B3GALT1: variants seen among roughly 807,000 people sequenced by gnomAD.
B3GALT1 encodes the protein beta-1,3-galactosyltransferase 1.
Under a neutral mutation model 23.2 loss-of-function variants are expected in B3GALT1, and 10 were observed. The ratio of observed to expected loss-of-function variants is 0.43; its 90% CI spans 0.27 to 0.73. The LOEUF (loss-of-function observed/expected upper bound fraction) is 0.73. B3GALT1 is among the 30% of genes least tolerant of loss of function. The probability of loss-of-function intolerance (pLI) is 0.21; values close to 1 mark genes in which losing one functional copy is unlikely to be tolerated. For synonymous variants in B3GALT1, 156 were observed against 141.5 expected (o/e 1.10, Z -0.73); for missense variants, 299 against 405.4 (o/e 0.74, Z 2.25).
intron 3 of B3GALT1, among the ~76,000 whole-genome samples, chr2:167,784,038 G>A (rs975340874): frequency 6.6e-6 from 1 of 152,160 alleles, no homozygotes; most frequent in African/African-American, 2.4e-5. Flanking sequence ...TTGAATCTGG[G>A]AATGCCAGAA....
chr2:167,793,890 C>T (rs1030284397), intron 3 of B3GALT1, among the ~76,000 whole-genome samples: 3 of 152,204 alleles, frequency 2.0e-5, no homozygotes, highest in Non-Finnish European at 4.4e-5. Context: ...AAAGACTCTC[C>T]CTTCATGCCC....
intron 4 of B3GALT1, among the ~76,000 whole-genome samples, chr2:167,844,322 C>T (rs555779331): frequency 5.3e-5 from 8 of 152,272 alleles, no homozygotes; most frequent in South Asian, 4.1e-4. Flanking sequence ...AGCTCCAGAT[C>T]GACTGCAAGA....
intron 1 of B3GALT1, among the ~76,000 whole-genome samples, chr2:167,443,439 G>A (rs142071896): frequency 0.042 from 6,322 of 152,250 alleles, 133 homozygotes; most frequent in Non-Finnish European, 0.047. Context: ...GATGGGAATG[G>A]CATTGAATCT....
intron 1 of B3GALT1, among the ~76,000 whole-genome samples, chr2:167,433,858 T>C (rs1195937252): frequency 6.6e-6 from 1 of 151,964 alleles, no homozygotes; most frequent in Admixed American, 6.6e-5. Context: ...AGCCCAGGAG[T>C]TCAAGTTTAC....
chr2:167,852,467 G>GGTGTGTGTGTGTGTGTGTGT (rs66820655), intron 4 of B3GALT1, among the ~76,000 whole-genome samples: 1 of 146,478 alleles, frequency 6.8e-6, no homozygotes, highest in Admixed American at 6.8e-5. Context: ...TATTCGTGAT[G>GGTGTGTGTGTGTGTGTGTGT]GTGTGTGTGT....
At chr2:167,620,214 A>AT (rs1215050882) in intron 2 of B3GALT1, among the ~76,000 whole-genome samples, 3 of 152,084 alleles carry the variant, frequency 2.0e-5, no homozygotes, top group African/African-American at 7.2e-5. Context: ...AGTGTGTGAG[A>AT]GACTGCAGGT....
chr2:167,840,036 G>T (rs1689602459), intron 4 of B3GALT1, among the ~76,000 whole-genome samples: 2 of 152,196 alleles, frequency 1.3e-5, no homozygotes, highest in African/African-American at 4.8e-5. Flanking sequence ...ATTCAAGATG[G>T]ATTAAAGACT....
At chr2:167,761,861 T>G (rs1324551263) in intron 3 of B3GALT1, among the ~76,000 whole-genome samples, 1 of 152,228 alleles carries the variant, frequency 6.6e-6, no homozygotes, top group East Asian at 1.9e-4. Flanking sequence ...GGACAGGGTC[T>G]GCTCTCATGG....
At chr2:167,657,910 C>T (rs180966840) in intron 3 of B3GALT1, among the ~76,000 whole-genome samples, 1 of 152,120 alleles carries the variant, frequency 6.6e-6, no homozygotes, top group South Asian at 2.1e-4. Flanking sequence ...TTTTCATACT[C>T]TTTAAATGAA....
At chr2:167,599,197 C>T (rs779242746) in intron 2 of B3GALT1, among the ~76,000 whole-genome samples, 4 of 152,274 alleles carry the variant, frequency 2.6e-5, no homozygotes, top group Non-Finnish European at 4.4e-5. Context: ...CTACAAAATA[C>T]GCAGTTCTCT....
At chr2:167,638,762 T>G (rs1204745620) in intron 2 of B3GALT1, among the ~76,000 whole-genome samples, 2 of 152,004 alleles carry the variant, frequency 1.3e-5, no homozygotes, top group Admixed American at 6.6e-5. Context: ...AAGAAAAAAT[T>G]TAAATAGAAT....
chr2:167,612,249 T>TA (rs1481654041), intron 2 of B3GALT1, among the ~76,000 whole-genome samples: 1 of 151,972 alleles, frequency 6.6e-6, no homozygotes, highest in Non-Finnish European at 1.5e-5. Flanking sequence ...ATAGTGGACC[T>TA]AAAAAATTCA....
At chr2:167,677,569 C>G (rs991256762) in intron 3 of B3GALT1, among the ~76,000 whole-genome samples, 6 of 152,138 alleles carry the variant, frequency 3.9e-5, no homozygotes, top group Non-Finnish European at 7.4e-5. Context: ...AGGCTGTGAT[C>G]CCAGAACCCC....
intron 2 of B3GALT1, among the ~76,000 whole-genome samples, chr2:167,512,624 GTATATATATATACA>G: frequency 2.0e-5 from 1 of 49,668 alleles, no homozygotes; most frequent in Non-Finnish European, 3.2e-5. Flanking sequence ...ATATATACGT[GTATATATATATACA>G]TATATATATA....
At chr2:167,658,283 A>C (rs926772942) in intron 3 of B3GALT1, among the ~76,000 whole-genome samples, 1 of 152,154 alleles carries the variant, frequency 6.6e-6, no homozygotes, top group African/African-American at 2.4e-5. Context: ...AGAATTGAAA[A>C]AGAATATTGT....
chr2:167,701,982 G>A (rs1686888252), intron 3 of B3GALT1, among the ~76,000 whole-genome samples: 1 of 152,198 alleles, frequency 6.6e-6, no homozygotes, highest in South Asian at 2.1e-4. Flanking sequence ...CTACCGCCCT[G>A]AGTTAAGTTT....
At chr2:167,548,848 A>T (rs1683696743) in intron 2 of B3GALT1, among the ~76,000 whole-genome samples, 1 of 152,174 alleles carries the variant, frequency 6.6e-6, no homozygotes, top group South Asian at 2.1e-4. Context: ...ACCAAAAAGA[A>T]CTTGAGTTGT....
At chr2:167,801,215 T>A (rs950443012) in intron 3 of B3GALT1, among the ~76,000 whole-genome samples, 2 of 152,228 alleles carry the variant, frequency 1.3e-5, no homozygotes, top group Non-Finnish European at 2.9e-5. Context: ...ACAAAACCAG[T>A]TGATGTGTAT....
At chr2:167,788,131 C>A (rs1026173692) in intron 3 of B3GALT1, among the ~76,000 whole-genome samples, 1 of 151,808 alleles carries the variant, frequency 6.6e-6, no homozygotes, top group East Asian at 1.9e-4. Context: ...CCTTTCTGAC[C>A]CCTGACCAGG....
Sources: gnomAD v4.1 joint callset for allele counts (sites outside exome capture counted in the v4.1 genomes callset) on GRCh38, gnomAD v4.1.1 for gene constraint, MANE v1.5 for transcripts, NCBI Gene and HGNC (gene_info 2026-07-23, HGNC 2026-07-21) for gene names.